TRA2B: variants seen among roughly 807,000 people sequenced by gnomAD.
The protein encoded by TRA2B is transformer 2 beta homolog.
In TRA2B, 14 loss-of-function variants were observed where a neutral mutation model predicts 41.7. The ratio of observed to expected loss-of-function variants is 0.34; its 90% CI spans 0.22 to 0.53. The LOEUF is 0.53. Among genes scored for constraint, TRA2B ranks in the 20% least tolerant of loss-of-function variants. TRA2B has a pLI of 0.95. For missense variants in TRA2B, 167 were observed against 396.8 expected, an observed-to-expected ratio of 0.42 and a Z score of 4.92; for synonymous variants, 130 against 128.8, an observed-to-expected ratio of 1.01 and a Z score of -0.06.
chr3:185,923,990 GA>G lies in TRA2B; in HGVS notation c.334-7del, dbSNP rs757369157. The G allele has an allele frequency of 8.1e-4, 1,189 of 1,472,258 alleles. No individual in the cohort carries two copies. Among genetic ancestry groups the G allele is most frequent in the Admixed American group, 1.9e-3 (88 of 45,266 alleles). 91.2% of individuals were successfully genotyped at this position (1,472,258 alleles called of 1,614,324 possible). Reference sequence around the variant, plus strand: ...CAGTTAGGATCAGGATTTGCCTAGGGAAAAAAAAAAGTTTTAAACTTTGGAA... The same window carrying G: ...CAGTTAGGATCAGGATTTGCCTAGGGAAAAAAAAAGTTTTAAACTTTGGAA... On this transcript the variant is annotated splice_region_variant and splice_polypyrimidine_tract_variant and intron_variant, in intron 3 of 8. Transcript: ENST00000453386.
rs1057448684 is a variant in TRA2B at position 185,936,847 on chromosome 3, G to C, written c.36+978C>G. The C allele has an allele frequency of 6.1e-6, 6 of 985,124 alleles. No individual in the cohort carries two copies. In the African/African-American group the frequency reaches 8.7e-5, roughly 14 times the overall value. The allele number at this position is 985,124 out of a possible 1,614,324, so 61.0% of individuals were successfully genotyped here. Reference sequence around the variant, plus strand: ...ACCCAGAGCCCCACAGACCAGCTACGTATGCTGTTTAAACCCTAGAACTGT... The same window carrying C: ...ACCCAGAGCCCCACAGACCAGCTACCTATGCTGTTTAAACCCTAGAACTGT... On this transcript the variant is annotated intron_variant, in intron 1 of 8. Transcript: ENST00000453386.
rs1009612617 is a variant in TRA2B at position 185,938,002 on chromosome 3, C to T, written c.-142G>A. 19 of 924,184 alleles carry T rather than the reference C, an allele frequency of 2.1e-5. No individual in the cohort carries two copies. Among genetic ancestry groups the T allele is most frequent in the African/African-American group, 3.3e-5 (2 of 61,020 alleles). The allele number at this position is 924,184 out of a possible 1,614,324, so 57.2% of individuals were successfully genotyped here. On this transcript the variant is annotated 5_prime_UTR_variant, in exon 1 of 9. Coordinates refer to ENST00000453386, the MANE Select transcript of TRA2B (RefSeq NM_004593.3). ...AGAGCCGAAATGCTCCGCACCGCCTCCGCACGGGCTCTAACTCTACCGGAT... is the reference window on the plus strand; with the variant it reads ...AGAGCCGAAATGCTCCGCACCGCCTTCGCACGGGCTCTAACTCTACCGGAT...
chr3:185,925,418 G>A (rs1277729247), intron 3 of TRA2B, 46 bp downstream of exon 3: 1 of 1,593,474 alleles, frequency 6.3e-7, no homozygotes, highest in Admixed American at 1.8e-5. Flanking sequence ...TTAAGAAAAA[G>A]TAAATTTAGG....
At position 185,915,967 on chromosome 3, in the gene TRA2B, A is replaced by G. The variant is rs1743488107; in HGVS notation, c.*1748T>C. On this transcript the variant is annotated 3_prime_UTR_variant, in exon 9 of 9. Transcript: ENST00000453386. ...ACAACCCCCTCTGGGACCACACCCTAAAACTCAACTTTATATATAAATACT... is the reference window on the plus strand; with the variant it reads ...ACAACCCCCTCTGGGACCACACCCTGAAACTCAACTTTATATATAAATACT... 6.6e-6 allele frequency: 1 copy of G among 152,240 alleles called. No individual in the cohort carries two copies. Among genetic ancestry groups the G allele is most frequent in the South Asian group, 2.1e-4 (1 of 4,834 alleles). The allele number at this position is 152,240 out of a possible 1,614,324, so 9.4% of individuals were successfully genotyped here.
chr3:185,931,206 T>C (rs2150117994), intron 1 of TRA2B, among the ~76,000 whole-genome samples: 1 of 152,286 alleles, frequency 6.6e-6, no homozygotes, highest in Non-Finnish European at 1.5e-5. Context: ...TGCTCAGTAC[T>C]GAAGGAAAGG....
chr3:185,937,752 G>A (rs1744426499), intron 1 of TRA2B, 73 bp downstream of exon 1: 2 of 1,604,396 alleles, frequency 1.2e-6, no homozygotes, highest in Non-Finnish European at 1.7e-6. Context: ...CTCCTGGCCC[G>A]AGGCCGACGG....
chr3:185,920,416 T>C (rs1250310917), intron 6 of TRA2B, among the ~76,000 whole-genome samples: 1 of 152,212 alleles, frequency 6.6e-6, no homozygotes, highest in Admixed American at 6.5e-5. Context: ...GGAGCGTACT[T>C]GGCTCACTGC....
rs955889052 is a variant in TRA2B, at chr3:185,916,709, A to T, written c.*1006T>A. On this transcript the variant is annotated 3_prime_UTR_variant, in exon 9 of 9. Transcript: ENST00000453386. ...ACAGAAGAACTCTAATTATAATAGA[A>T]CAAGAACACTTCTTTGTGAACAGCT... 6.6e-6 allele frequency: 1 copy of T among 152,660 alleles called. No homozygotes were observed. The highest frequency in any genetic ancestry group is 2.4e-5 in the African/African-American group (1 of 41,454). 9.5% of individuals were successfully genotyped at this position (152,660 alleles called of 1,614,324 possible).
chr3:185,923,208 G>GGA (rs1438147460), intron 4 of TRA2B: 1 of 152,860 alleles, frequency 6.5e-6, no homozygotes, highest in African/African-American at 2.4e-5. Context: ...CCCAGGAGGC[G>GGA]GAGGTTGCGG....
chr3:185,925,256 G>T, intron 3 of TRA2B: 2 of 492,118 alleles, frequency 4.1e-6, no homozygotes, highest in Non-Finnish European at 7.1e-6. Context: ...ACACCATTGT[G>T]TCAGTATTAT....
At chr3:185,928,582 G>A (rs1744038939) in intron 1 of TRA2B, 2 of 152,178 alleles carry the variant, frequency 1.3e-5, no homozygotes, top group South Asian at 4.1e-4. Flanking sequence ...AAAAATGAGG[G>A]TGTAGTTTTT....
rs577930510 is a variant in TRA2B, at chr3:185,936,220, G to A, written c.36+1605C>T. On this transcript the variant is annotated intron_variant, in intron 1 of 8. Transcript: ENST00000453386. ...TGAATTTTTCTGTTTAATAACAAAA[G>A]ACTTTAAAATCGCTTACTTTGCAGT... 1.5e-5 allele frequency: 15 copies of A among 985,330 alleles called. No homozygotes were observed. In the African/African-American group the frequency reaches 2.3e-4, roughly 15 times the overall value. 61.0% of individuals were successfully genotyped at this position (985,330 alleles called of 1,614,324 possible).
intron 2 of TRA2B, 31 bp from the exon 3 acceptor site, chr3:185,925,657 C>CT: frequency 6.3e-7 from 1 of 1,588,792 alleles, no homozygotes. Flanking sequence ...AAGGTTATGA[C>CT]TGAAAACAAA....
chr3:185,935,309 T>C lies in TRA2B; in HGVS notation c.36+2516A>G, dbSNP rs114946066. 7.7e-3 allele frequency: 7,618 copies of C among 985,276 alleles called. 38 individuals are homozygous for C. The highest frequency in any genetic ancestry group is 8.6e-3 in the Non-Finnish European group (7,145 of 829,928). The allele number at this position is 985,276 out of a possible 1,614,324, so 61.0% of individuals were successfully genotyped here. On this transcript the variant is annotated intron_variant, in intron 1 of 8. Coordinates refer to ENST00000453386, the MANE Select transcript of TRA2B (RefSeq NM_004593.3). ...GTTAAGCCTGCTAATTAGACCCCTA[T>C]AGACAGATTTTAGTGTTAATCTATT...
chr3:185,930,688 A>G (rs1265791352), intron 1 of TRA2B, among the ~76,000 whole-genome samples: 2 of 152,206 alleles, frequency 1.3e-5, no homozygotes, highest in Non-Finnish European at 2.9e-5. Context: ...CAGCTAAAAC[A>G]AAACACACAG....
rs567385609 is a variant in TRA2B at position 185,932,577 on chromosome 3, A to G, written c.36+5248T>C. ...TGGTATTTTCAAAGAGTTTTGTTGT[A>G]CATTTTCCCCCTCAATTTAGAAAAT... On this transcript the variant is annotated intron_variant, in intron 1 of 8. Transcript: ENST00000453386. Among the ~76,000 whole-genome samples, 18 of 152,356 alleles carry G rather than the reference A, an allele frequency of 1.2e-4. 1 individual carries two copies. Among genetic ancestry groups the G allele is most frequent in the African/African-American group, 3.6e-4 (15 of 41,598 alleles).
At chr3:185,935,691 T>G (rs774681663) in intron 1 of TRA2B, 6 of 985,474 alleles carry the variant, frequency 6.1e-6, no homozygotes, top group Non-Finnish European at 7.2e-6. Context: ...ACCACAGGCA[T>G]GTCTAAGATC....
Position 185,918,311 on chromosome 3 carries a change from C to A in TRA2B, c.856+54G>T, listed in dbSNP as rs1743581386. The stretch of plus-strand genomic sequence containing the variant: ...TTATCTGATAAAGGGAATACACTGT[C>A]ATCAGAGCAAGCCATACTACAATAT... On this transcript the variant is annotated intron_variant, in intron 8 of 8. Transcript: ENST00000453386. 1.5e-5 allele frequency: 20 copies of A among 1,309,910 alleles called. No homozygotes were observed. In the South Asian group the frequency reaches 2.5e-4, roughly 16 times the overall value. 81.1% of individuals were successfully genotyped at this position (1,309,910 alleles called of 1,614,324 possible). A position where few individuals can be genotyped will look rare whatever the true frequency, so the allele number is the denominator to read the frequency against.
At chr3:185,930,020 G>A (rs775769241) in intron 1 of TRA2B, among the ~76,000 whole-genome samples, 6 of 152,028 alleles carry the variant, frequency 3.9e-5, no homozygotes, top group East Asian at 3.9e-4. Context: ...CCTATGGCCC[G>A]AGGAGGAGAC....
Sources: allele counts gnomAD v4.1 joint callset (sites outside exome capture counted in the v4.1 genomes callset), GRCh38; gene constraint gnomAD v4.1.1; transcripts MANE v1.5; gene names NCBI Gene and HGNC (gene_info 2026-07-23, HGNC 2026-07-21).